Variants in MGMT observed in about 807,000 individuals in gnomAD.
The protein encoded by MGMT is methylated-DNA--protein-cysteine methyltransferase.
MGMT carries 14 observed loss-of-function variants against 15.9 expected under a neutral mutation model. The ratio of observed to expected loss-of-function variants is 0.88; its 90% CI spans 0.58 to 1.37. The LOEUF is 1.37. MGMT is among the 40% of genes most tolerant of loss of function. The pLI, the probability that MGMT is intolerant of heterozygous loss-of-function variation, is 0.00. For missense variants in MGMT, 282 were observed against 268.1 expected (o/e 1.05, Z -0.36); for synonymous variants, 130 against 118.2 (o/e 1.10, Z -0.65).
intron 2 of MGMT, among the ~76,000 whole-genome samples, chr10:129,554,139 G>A (rs905372709): frequency 9.2e-5 from 14 of 152,230 alleles, no homozygotes; most frequent in East Asian, 1.9e-4. Flanking sequence ...CGGCCAGGCC[G>A]CCTCTGAACA....
At chr10:129,755,395 G>C (rs1000039534) in intron 3 of MGMT, among the ~76,000 whole-genome samples, 2 of 152,236 alleles carry the variant, frequency 1.3e-5, no homozygotes, top group Admixed American at 6.5e-5. Flanking sequence ...CTTGCTCTCT[G>C]TTGCTCTTTG....
chr10:129,721,698 G>T (rs1218049924), intron 3 of MGMT, among the ~76,000 whole-genome samples: 2 of 152,058 alleles, frequency 1.3e-5, no homozygotes, highest in African/African-American at 4.8e-5. Context: ...ATATTTAAGG[G>T]CAGACTTTGA....
chr10:129,758,540 C>T (rs538547458), intron 3 of MGMT, among the ~76,000 whole-genome samples: 2 of 152,098 alleles, frequency 1.3e-5, no homozygotes, highest in African/African-American at 4.8e-5. Context: ...GCAGTCACCT[C>T]CTCATTCCTG....
chr10:129,494,376 T>C (rs1315867768), intron 1 of MGMT, among the ~76,000 whole-genome samples: 1 of 152,216 alleles, frequency 6.6e-6, no homozygotes, highest in Non-Finnish European at 1.5e-5. Flanking sequence ...CAAGCTTCCC[T>C]GGGGCTTACC....
At chr10:129,525,833 A>G (rs1470078569) in intron 1 of MGMT, among the ~76,000 whole-genome samples, 1 of 152,172 alleles carries the variant, frequency 6.6e-6, no homozygotes, top group African/African-American at 2.4e-5. Context: ...AGCCGGGTTC[A>G]CAGAACTTTA....
intron 2 of MGMT, among the ~76,000 whole-genome samples, chr10:129,672,409 A>G (rs1475378234): frequency 1.3e-5 from 2 of 152,186 alleles, no homozygotes; most frequent in African/African-American, 4.8e-5. Context: ...GAATGTTCTC[A>G]TCTCTTACTT....
At chr10:129,718,882 G>A (rs939119187) in intron 3 of MGMT, among the ~76,000 whole-genome samples, 2 of 152,084 alleles carry the variant, frequency 1.3e-5, no homozygotes, top group African/African-American at 4.8e-5. Flanking sequence ...TTCTGCTCAG[G>A]CATGTCACCT....
chr10:129,763,202 G>A (rs1454751930), intron 4 of MGMT, among the ~76,000 whole-genome samples: 1 of 152,178 alleles, frequency 6.6e-6, no homozygotes, highest in Non-Finnish European at 1.5e-5. Context: ...GTGATATTAT[G>A]AGCTTCTTGG....
At chr10:129,558,987 A>G (rs1019499755) in intron 2 of MGMT, among the ~76,000 whole-genome samples, 1 of 152,168 alleles carries the variant, frequency 6.6e-6, no homozygotes, top group Non-Finnish European at 1.5e-5. Flanking sequence ...TATGGGATTC[A>G]GAGACGCAGT....
chr10:129,491,558 C>T (rs979180171), intron 1 of MGMT, among the ~76,000 whole-genome samples: 4 of 152,138 alleles, frequency 2.6e-5, no homozygotes, highest in African/African-American at 4.8e-5. Flanking sequence ...CCTTTCCTCT[C>T]GGAGTTGAAT....
intron 2 of MGMT, among the ~76,000 whole-genome samples, chr10:129,580,352 A>G (rs77541487): frequency 0.037 from 5,660 of 152,240 alleles, 142 homozygotes; most frequent in South Asian, 0.064. Context: ...ACCTTGAGGG[A>G]TAGGCATTAC....
At chr10:129,525,856 AGT>A (rs1211548551) in intron 1 of MGMT, among the ~76,000 whole-genome samples, 2 of 152,110 alleles carry the variant, frequency 1.3e-5, no homozygotes, top group African/African-American at 4.8e-5. Context: ...CACAAACAGG[AGT>A]GTTTCCCTTT....
intron 1 of MGMT, among the ~76,000 whole-genome samples, chr10:129,479,048 A>T (rs543556599): frequency 2.7e-4 from 41 of 152,298 alleles, no homozygotes; most frequent in Non-Finnish European, 1.5e-5. Context: ...GATTTCTTAC[A>T]TTTCGTAAAC....
intron 3 of MGMT, among the ~76,000 whole-genome samples, chr10:129,709,425 T>C (rs939841298): frequency 1.3e-5 from 2 of 152,160 alleles, no homozygotes; most frequent in African/African-American, 4.8e-5. Context: ...GAGATTGGTT[T>C]TGTTTATTAA....
chr10:129,494,772 T>G (rs994175836), intron 1 of MGMT, among the ~76,000 whole-genome samples: 1 of 152,132 alleles, frequency 6.6e-6, no homozygotes, highest in South Asian at 2.1e-4. Context: ...TCTTAAGAGG[T>G]CTTTAGAGTC....
At chr10:129,550,955 T>A (rs1846150120) in intron 2 of MGMT, among the ~76,000 whole-genome samples, 1 of 152,156 alleles carries the variant, frequency 6.6e-6, no homozygotes, top group Non-Finnish European at 1.5e-5. Context: ...TAGTGCTGTT[T>A]CGGCCTGGAG....
At chr10:129,595,954 A>G in intron 2 of MGMT, among the ~76,000 whole-genome samples, 1 of 152,162 alleles carries the variant, frequency 6.6e-6, no homozygotes, top group Non-Finnish European at 1.5e-5. Context: ...ACAATCACGT[A>G]AGACATACCT....
Position 129,680,641 on chromosome 10 carries a change from C to G in MGMT, c.126-27254C>G, listed in dbSNP as rs1453592708. Among the ~76,000 whole-genome samples, 3 of 142,678 alleles carry G rather than the reference C, an allele frequency of 2.1e-5. No individual in the cohort carries two copies. The Admixed American group carries it at 2.3e-4, about 11-fold the overall frequency. 93.6% of individuals were successfully genotyped at this position (142,678 alleles called of 152,430 possible). On this transcript the variant is annotated intron_variant, in intron 2 of 4. Transcript: ENST00000651593. ...TTCTACCGACTTTGGAGCATGCTCT[C>G]CCCTGGATCTGAAACACTGGCCCCC...
intron 2 of MGMT, among the ~76,000 whole-genome samples, chr10:129,689,814 C>A (rs1847949938): frequency 6.6e-6 from 1 of 152,226 alleles, no homozygotes; most frequent in South Asian, 2.1e-4. Flanking sequence ...GGTTTCAAAT[C>A]ATTGGCTTCC....
Sources: gnomAD v4.1 joint callset for allele counts (sites outside exome capture counted in the v4.1 genomes callset) on GRCh38, gnomAD v4.1.1 for gene constraint, MANE v1.5 for transcripts, NCBI Gene and HGNC (gene_info 2026-07-23, HGNC 2026-07-21) for gene names.